Variants in CREBRF observed in about 807,000 individuals in gnomAD.
CREBRF encodes UPF0474 protein C5orf41.
Under a neutral mutation model 66.1 loss-of-function variants are expected in CREBRF, and 5 were observed. That is an observed-to-expected ratio of 0.08 (90% CI 0.04 to 0.16). CREBRF has a LOEUF of 0.16. Ranked by LOEUF, CREBRF falls within the 10% of genes least tolerant of loss-of-function variation. The pLI is 1.00. For synonymous variants in CREBRF, 229 were observed against 264.4 expected, an observed-to-expected ratio of 0.87 and a Z score of 1.30; for missense variants, 531 against 744.9, an observed-to-expected ratio of 0.71 and a Z score of 3.34.
chr5:173,062,309 T>G (rs1022805876), intron 1 of CREBRF, among the ~76,000 whole-genome samples: 1 of 152,196 alleles, frequency 6.6e-6, no homozygotes, highest in Admixed American at 6.5e-5. Flanking sequence ...ACACTGTGCC[T>G]GATACCTTTT....
At chr5:173,082,828 G>A (rs1402053307) in intron 2 of CREBRF, among the ~76,000 whole-genome samples, 1 of 140,322 alleles carries the variant, frequency 7.1e-6, no homozygotes, top group Non-Finnish European at 1.5e-5. Context: ...AGAATCGCAT[G>A]AACCCTGCGG....
At chr5:173,074,368 T>C in intron 1 of CREBRF, among the ~76,000 whole-genome samples, 1 of 152,090 alleles carries the variant, frequency 6.6e-6, no homozygotes, top group East Asian at 1.9e-4. Flanking sequence ...TCCCATATGT[T>C]GTCCCTGTAA....
chr5:173,094,313 G>T (rs1033940672), intron 4 of CREBRF, among the ~76,000 whole-genome samples: 1 of 152,188 alleles, frequency 6.6e-6, no homozygotes, highest in African/African-American at 2.4e-5. Flanking sequence ...AAGTGGGATT[G>T]CTGGATCATA....
In CREBRF at chr5:173,061,387, C is replaced by G. The variant is rs538205526; in HGVS notation, c.-192+4908C>G. ...CCTGCCTTGAAGAGAATTTTTAGTA[C>G]AAGAGCATATGGCAACATTGTATTT... is the stretch of plus-strand genomic sequence containing the variant. On this transcript the variant is annotated intron_variant, in intron 1 of 8. Transcript: ENST00000296953. Among the ~76,000 whole-genome samples, 3 of 152,312 alleles carry G rather than the reference C, an allele frequency of 2.0e-5. No individual in the cohort carries two copies. In the East Asian group the frequency reaches 5.8e-4, roughly 29 times the overall value.
chr5:173,068,016 C>T, intron 1 of CREBRF: 1 of 332,544 alleles, frequency 3.0e-6, no homozygotes, highest in African/African-American at 2.2e-5. Context: ...AAAAAATCTT[C>T]AGTTAATTTT....
chr5:173,119,942 C>T (rs1371247743), intron 7 of CREBRF, among the ~76,000 whole-genome samples: 2 of 152,110 alleles, frequency 1.3e-5, no homozygotes, highest in Non-Finnish European at 2.9e-5. Context: ...GTTAAGCCAA[C>T]CTTGCATTCT....
intron 7 of CREBRF, among the ~76,000 whole-genome samples, chr5:173,114,797 G>A (rs1758946776): frequency 6.6e-6 from 1 of 152,186 alleles, no homozygotes; most frequent in African/African-American, 2.4e-5. Context: ...AAATAGAACT[G>A]TTAGCTCTTC....
rs995337676 is a variant in CREBRF, at chr5:173,119,507, G to A, written c.1682-3573G>A. ...ATTAATATATAAAACATATTTTTGT[G>A]TATTACTCTTAGTTCCAGTAGTAGG... On this transcript the variant is annotated intron_variant, in intron 7 of 8. Transcript: ENST00000296953. Among the ~76,000 whole-genome samples, 69 of 152,078 alleles carry A rather than the reference G, an allele frequency of 4.5e-4. 1 individual carries two copies. The highest frequency in any genetic ancestry group is 1.0e-4 in the Non-Finnish European group (7 of 68,006).
intron 7 of CREBRF, among the ~76,000 whole-genome samples, chr5:173,121,479 C>A (rs1327205259): frequency 6.6e-6 from 1 of 151,970 alleles, no homozygotes. Flanking sequence ...CCTGCCACCA[C>A]GCCCAACTAA....
At chr5:173,065,756 C>G (rs1757418019) in intron 1 of CREBRF, among the ~76,000 whole-genome samples, 1 of 151,262 alleles carries the variant, frequency 6.6e-6, no homozygotes, top group Admixed American at 6.6e-5. Flanking sequence ...GATCCTCCCA[C>G]CTCAGCCTCA....
intron 4 of CREBRF, among the ~76,000 whole-genome samples, chr5:173,100,264 C>T (rs1758595490): frequency 6.7e-6 from 1 of 149,676 alleles, no homozygotes. Flanking sequence ...GTGTGAGTCA[C>T]CATGCACAGC....
At chr5:173,111,439 G>T (rs186968124) in intron 6 of CREBRF, among the ~76,000 whole-genome samples, 1 of 152,108 alleles carries the variant, frequency 6.6e-6, no homozygotes, top group Admixed American at 6.5e-5. Flanking sequence ...GCTAATTTTT[G>T]TATTTTTTGT....
chr5:173,120,194 T>C (rs764191644), intron 7 of CREBRF, among the ~76,000 whole-genome samples: 2 of 152,150 alleles, frequency 1.3e-5, no homozygotes, highest in Non-Finnish European at 2.9e-5. Flanking sequence ...GATCTCTCTT[T>C]CTTTTTTGTT....
chr5:173,112,959 T>A (rs1423438617), intron 7 of CREBRF, among the ~76,000 whole-genome samples: 1 of 152,240 alleles, frequency 6.6e-6, no homozygotes, highest in African/African-American at 2.4e-5. Context: ...CAAGTAGAAC[T>A]CAAGAATCCA....
chr5:173,059,256 CTTT>C (rs780723745), intron 1 of CREBRF, among the ~76,000 whole-genome samples: 42 of 117,664 alleles, frequency 3.6e-4, no homozygotes, highest in Non-Finnish European at 6.0e-4. Flanking sequence ...TCTTCTTTTT[CTTT>C]TTTTTCTTTT....
chr5:173,063,800 C>T (rs1225160320), intron 1 of CREBRF, among the ~76,000 whole-genome samples: 3 of 151,848 alleles, frequency 2.0e-5, no homozygotes, highest in Admixed American at 6.6e-5. Context: ...TCTGCCCCTG[C>T]GACCTTCGCA....
At chr5:173,110,782 A>G in intron 6 of CREBRF, 71 bp downstream of exon 6, 1 of 1,040,010 alleles carries the variant, frequency 9.6e-7, no homozygotes. Context: ...GTGAGTTTTT[A>G]TAGAAGGACA....
chr5:173,092,291 T>G, intron 4 of CREBRF: 1 of 981,980 alleles, frequency 1.0e-6, no homozygotes, highest in Non-Finnish European at 1.2e-6. Flanking sequence ...CGTATTTTCC[T>G]ATTTAAGAAA....
intron 1 of CREBRF, among the ~76,000 whole-genome samples, chr5:173,056,807 G>GC: frequency 6.6e-6 from 1 of 151,692 alleles, no homozygotes; most frequent in African/African-American, 2.4e-5. Context: ...CTGCCGGGCC[G>GC]CCCGGCCCTT....
Sources: allele counts gnomAD v4.1 joint callset (sites outside exome capture counted in the v4.1 genomes callset), GRCh38; gene constraint gnomAD v4.1.1; transcripts MANE v1.5; gene names NCBI Gene and HGNC (gene_info 2026-07-23, HGNC 2026-07-21).